Variants in TNFSF12 observed in about 807,000 individuals in gnomAD.
TNFSF12 encodes tumor necrosis factor ligand superfamily member 12.
In TNFSF12, 16 loss-of-function variants were observed where a neutral mutation model predicts 31.2. The ratio of observed to expected loss-of-function variants is 0.51; its 90% CI spans 0.35 to 0.78. The LOEUF (loss-of-function observed/expected upper bound fraction) is 0.78, where lower values mean the gene tolerates loss of function less well. Among genes scored for constraint, TNFSF12 ranks in the 30% least tolerant of loss-of-function variants. The probability of loss-of-function intolerance (pLI) is 0.01; values close to 1 mark genes in which losing one functional copy is unlikely to be tolerated. For synonymous variants in TNFSF12, 150 were observed against 151.4 expected (o/e 0.99, Z 0.07); for missense variants, 324 against 338.8 (o/e 0.96, Z 0.34).
intron 5 of TNFSF12, chr17:7,553,492 T>G: frequency 9.1e-5 from 47 of 518,032 alleles, no homozygotes; most frequent in Non-Finnish European, 1.5e-4. Flanking sequence ...AGGGCTTTCT[T>G]GAGATAGGCA....
chr17:7,549,521 G>A lies in TNFSF12; in HGVS notation c.207G>A (p.Ser69=). The A allele has an allele frequency of 6.4e-7, 1 of 1,551,412 alleles. No individual in the cohort carries two copies. The highest frequency in any genetic ancestry group is 8.7e-7 in the Non-Finnish European group (1 of 1,145,470). The change falls in exon 2 of 7, where the codon TCG becomes TCA. Residue 69 remains serine (S), a splice_region_variant and synonymous_variant. Transcript: ENST00000293825. The surrounding 1 kb of genome is among the most constrained non-coding windows in gnomAD (Gnocchi z 4.1). ...ELVAEEDQDP[S]ELNPQTEESQ... ...TGGCAGAGGAGGACCAGGACCCGTC[G>A]GTGAGTGGGCGTGGGCGCGGTCTGC...
Position 7,549,714 on chromosome 17 carries a change from T to G in TNFSF12, c.207+193T>G. ...ACAACTCTGTGTGAGGGGTTTGTGC[T>G]GGGGTTGTGCCACCTGAGTCTGAGG... On this transcript the variant is annotated intron_variant, in intron 2 of 6. Coordinates refer to ENST00000293825, the MANE Select transcript of TNFSF12 (RefSeq NM_003809.3). The surrounding 1 kb of genome is among the most constrained non-coding windows in gnomAD (Gnocchi z 4.1). 1 of 973,164 alleles carries G rather than the reference T, an allele frequency of 1.0e-6. No homozygotes were observed. The highest frequency in any genetic ancestry group is 1.9e-5 in the South Asian group (1 of 51,970). 60.3% of individuals were successfully genotyped at this position (973,164 alleles called of 1,614,324 possible). A position where few individuals can be genotyped will look rare whatever the true frequency, so the allele number is the denominator to read the frequency against.
Position 7,553,023 on chromosome 17 carries a change from C to CTTTTTTTTTTTTTTTTTTTT in TNFSF12, c.373+2065_373+2084dup, listed in dbSNP as rs71159509. On this transcript the variant is annotated intron_variant, in intron 5 of 6. Coordinates refer to ENST00000293825, the MANE Select transcript of TNFSF12 (RefSeq NM_003809.3). ...ATAAGGAACTGGAGGCAGGGACAAC[C>CTTTTTTTTTTTTTTTTTTTT]TTTTTTTTTTTTTTTTTTTTTTTTT... Among the ~76,000 whole-genome samples, 2 of 66,054 alleles carry CTTTTTTTTTTTTTTTTTTTT rather than the reference C, an allele frequency of 3.0e-5. 1 individual carries two copies. The highest frequency in any genetic ancestry group is 1.4e-4 in the African/African-American group (2 of 13,816). 43.3% of individuals were successfully genotyped at this position (66,054 alleles called of 152,430 possible). A position where few individuals can be genotyped will look rare whatever the true frequency, so the allele number is the denominator to read the frequency against.
intron 5 of TNFSF12, among the ~76,000 whole-genome samples, chr17:7,553,023 CTTTTTTT>C (rs71159509): frequency 2.9e-4 from 19 of 66,088 alleles, no homozygotes; most frequent in East Asian, 4.0e-4. Flanking sequence ...CAGGGACAAC[CTTTTTTT>C]TTTTTTTTTT....
Position 7,550,288 on chromosome 17 carries a change from C to A in TNFSF12, c.283+93C>A. ...TGAGGCACGGAGGGTGAAAGGAGTT[C>A]AGAGTCATGCAGCTAACCAGCCAAG... On this transcript the variant is annotated intron_variant, in intron 3 of 6. Coordinates refer to ENST00000293825, the MANE Select transcript of TNFSF12 (RefSeq NM_003809.3). This position sits in a 1 kb window ranked among gnomAD's most constrained non-coding sequence, Gnocchi z 4.4. 6.3e-7 allele frequency: 1 copy of A among 1,576,624 alleles called. No homozygotes were observed. Among genetic ancestry groups the A allele is most frequent in the South Asian group, 1.1e-5 (1 of 89,900 alleles).
At position 7,550,334 on chromosome 17, in the gene TNFSF12, G is replaced by A. The variant is rs1567720132; in HGVS notation, c.283+139G>A. 15 of 1,316,560 alleles carry A rather than the reference G, an allele frequency of 1.1e-5. No homozygotes were observed. Among genetic ancestry groups the A allele is most frequent in the African/African-American group, 2.9e-5 (2 of 68,438 alleles). 81.6% of individuals were successfully genotyped at this position (1,316,560 alleles called of 1,614,324 possible). On this transcript the variant is annotated intron_variant, in intron 3 of 6. Coordinates refer to ENST00000293825, the MANE Select transcript of TNFSF12 (RefSeq NM_003809.3). The surrounding 1 kb of genome is among the most constrained non-coding windows in gnomAD (Gnocchi z 4.4). ...CCAAGACTCAAACCTAGGGATTCTCGCCCTCCTCTGAAGCTCCTTCTGTCA... is the reference window on the plus strand; with the variant it reads ...CCAAGACTCAAACCTAGGGATTCTCACCCTCCTCTGAAGCTCCTTCTGTCA...
intron 5 of TNFSF12, among the ~76,000 whole-genome samples, chr17:7,551,812 C>T (rs962573021): frequency 1.4e-4 from 22 of 152,080 alleles, no homozygotes; most frequent in Admixed American, 2.6e-4. Flanking sequence ...TTTTTTAAGA[C>T]AGTCTCGCTC....
In TNFSF12 at chr17:7,556,784, A is replaced by G; in HGVS notation, c.380A>G (p.Asp127Gly). ...TCTGAGCATCCGTGTTCAGGTGTGG[A>G]CGGGACAGTGAGTGGCTGGGAGGAA... ...PGQDGAQAGVDGTVSGWEEAR... is the reference protein window; with the variant it reads ...PGQDGAQAGVGGTVSGWEEAR... Residue 127 changes from aspartate (D) to glycine (G), a missense_variant, in exon 6 of 7, where the codon GAC becomes GGC. Coordinates refer to ENST00000293825, the MANE Select transcript of TNFSF12 (RefSeq NM_003809.3). 1 of 1,528,706 alleles carries G rather than the reference A, an allele frequency of 6.5e-7. No individual in the cohort carries two copies. Among genetic ancestry groups the G allele is most frequent in the Non-Finnish European group, 8.8e-7 (1 of 1,136,796 alleles). 94.7% of individuals were successfully genotyped at this position (1,528,706 alleles called of 1,614,324 possible).
At position 7,557,564 on chromosome 17, in the gene TNFSF12, C is replaced by T; in HGVS notation, c.*214C>T. On this transcript the variant is annotated 3_prime_UTR_variant, in exon 7 of 7. Transcript: ENST00000293825. The surrounding 1 kb of genome is among the most constrained non-coding windows in gnomAD (Gnocchi z 5.2). The stretch of plus-strand genomic sequence containing the variant: ...CAACTCCCCCACCGCCCACTCTCCA[C>T]CTCACTAGCTCCCCAATCCCTGACC... 1.5e-6 allele frequency: 1 copy of T among 666,076 alleles called. No individual in the cohort carries two copies. The highest frequency in any genetic ancestry group is 2.4e-6 in the Non-Finnish European group (1 of 413,868). The allele number at this position is 666,076 out of a possible 1,614,324, so 41.3% of individuals were successfully genotyped here.
Position 7,550,332 on chromosome 17 carries a change from T to G in TNFSF12, c.283+137T>G. 2 of 1,332,396 alleles carry G rather than the reference T, an allele frequency of 1.5e-6. No individual in the cohort carries two copies. Among genetic ancestry groups the G allele is most frequent in the South Asian group, 2.6e-5 (2 of 77,836 alleles). 82.5% of individuals were successfully genotyped at this position (1,332,396 alleles called of 1,614,324 possible). A position where few individuals can be genotyped will look rare whatever the true frequency, so the allele number is the denominator to read the frequency against. ...AGCCAAGACTCAAACCTAGGGATTC[T>G]CGCCCTCCTCTGAAGCTCCTTCTGT... On this transcript the variant is annotated intron_variant, in intron 3 of 6. Coordinates refer to ENST00000293825, the MANE Select transcript of TNFSF12 (RefSeq NM_003809.3). This position sits in a 1 kb window ranked among gnomAD's most constrained non-coding sequence, Gnocchi z 4.4.
At position 7,549,091 on chromosome 17, in the gene TNFSF12, C is replaced by A; in HGVS notation, c.-63C>A. 4 of 1,229,882 alleles carry A rather than the reference C, an allele frequency of 3.3e-6. No homozygotes were observed. The highest frequency in any genetic ancestry group is 3.2e-5 in the East Asian group (1 of 30,928). 76.2% of individuals were successfully genotyped at this position (1,229,882 alleles called of 1,614,324 possible). On this transcript the variant is annotated 5_prime_UTR_variant, in exon 1 of 7. Coordinates refer to ENST00000293825, the MANE Select transcript of TNFSF12 (RefSeq NM_003809.3). This position sits in a 1 kb window ranked among gnomAD's most constrained non-coding sequence, Gnocchi z 4.1. The stretch of plus-strand genomic sequence containing the variant: ...GGCCCGATCCGCCCGCCGGCTCCCC[C>A]TCCCCCGATCCCTCGGGTCCCGGGA...
chr17:7,553,113 G>A (rs1054430899), intron 5 of TNFSF12, among the ~76,000 whole-genome samples: 1 of 127,066 alleles, frequency 7.9e-6, no homozygotes, highest in Non-Finnish European at 1.6e-5. Flanking sequence ...GCAATGGCAC[G>A]ATCTCGGCTG....
chr17:7,554,605 G>A (rs1455645968), intron 5 of TNFSF12, among the ~76,000 whole-genome samples: 5 of 148,500 alleles, frequency 3.4e-5, no homozygotes, highest in African/African-American at 5.0e-5. Flanking sequence ...GTGAGCCACC[G>A]CGCCCAGCCG....
chr17:7,549,358 G>C lies in TNFSF12; in HGVS notation c.159+46G>C, dbSNP rs1245321883. 1 of 1,415,868 alleles carries C rather than the reference G, an allele frequency of 7.1e-7. No homozygotes were observed. Among genetic ancestry groups the C allele is most frequent in the Non-Finnish European group, 9.3e-7 (1 of 1,074,576 alleles). The allele number at this position is 1,415,868 out of a possible 1,614,324, so 87.7% of individuals were successfully genotyped here. Reference sequence around the variant, plus strand: ...CCTTCTTGGGCACATCAGGAGCTGAGACTGCAGAGGGGCCGCTGGGGGCCG... The same window carrying C: ...CCTTCTTGGGCACATCAGGAGCTGACACTGCAGAGGGGCCGCTGGGGGCCG... On this transcript the variant is annotated intron_variant, in intron 1 of 6. Coordinates refer to ENST00000293825, the MANE Select transcript of TNFSF12 (RefSeq NM_003809.3). This position sits in a 1 kb window ranked among gnomAD's most constrained non-coding sequence, Gnocchi z 4.1.
At position 7,553,206 on chromosome 17, in the gene TNFSF12, C is replaced by T. The variant is rs528229191; in HGVS notation, c.373+2228C>T. 4.6e-3 allele frequency among the ~76,000 whole-genome samples: 693 copies of T among 152,064 alleles called. 3 individuals are homozygous for T. The highest frequency in any genetic ancestry group is 0.016 in the African/African-American group (643 of 41,440). On this transcript the variant is annotated intron_variant, in intron 5 of 6. Transcript: ENST00000293825. ...CTGAGATTACAGGCATGCGCCACCA[C>T]GCCTGGCTAATTTTGTATTTTTAGT...
chr17:7,556,868 T>A lies in TNFSF12; in HGVS notation c.464T>A (p.Val155Asp). Residue 155 changes from valine to aspartate, a missense_variant, in exon 6 of 7, where the codon GTC (valine) becomes GAC (aspartate). By Grantham distance (152) the Val-to-Asp change is radical. Coordinates refer to ENST00000293825, the MANE Select transcript of TNFSF12 (RefSeq NM_003809.3). ...RYNRQIGEFI[V>D]TRAGLYYLYC... ...AACCGCCAGATCGGGGAGTTTATAG[T>A]CACCCGGGCTGGGCTCTACTACCTG... 1 of 1,545,318 alleles carries A rather than the reference T, an allele frequency of 6.5e-7. No individual in the cohort carries two copies. The highest frequency in any genetic ancestry group is 8.7e-7 in the Non-Finnish European group (1 of 1,143,472).
chr17:7,554,831 A>AGCGT, intron 5 of TNFSF12, among the ~76,000 whole-genome samples: 1 of 149,930 alleles, frequency 6.7e-6, no homozygotes, highest in Admixed American at 6.7e-5. Flanking sequence ...GTTAGCCAGG[A>AGCGT]GCGTCTCGAT....
Position 7,557,637 on chromosome 17 carries a change from A to G in TNFSF12, c.*287A>G. The G allele has an allele frequency of 2.4e-6, 1 of 416,488 alleles. No individual in the cohort carries two copies. The allele number at this position is 416,488 out of a possible 1,614,324, so 25.8% of individuals were successfully genotyped here. A position where few individuals can be genotyped will look rare whatever the true frequency, so the allele number is the denominator to read the frequency against. On this transcript the variant is annotated 3_prime_UTR_variant, in exon 7 of 7. Transcript: ENST00000293825. The surrounding 1 kb of genome is among the most constrained non-coding windows in gnomAD (Gnocchi z 5.2). ...GACTCCCCCCTGGCCACAGACCCCC[A>G]GGGCATTGTGTTCACTGTACTCTGT...
intron 5 of TNFSF12, among the ~76,000 whole-genome samples, chr17:7,551,744 T>C (rs2071003297): frequency 6.6e-6 from 1 of 151,984 alleles, no homozygotes; most frequent in Non-Finnish European, 1.5e-5. Flanking sequence ...GACTTATGGG[T>C]TGGAGGTGAA....
Sources: allele counts gnomAD v4.1 joint callset (sites outside exome capture counted in the v4.1 genomes callset), GRCh38; gene constraint gnomAD v4.1.1; non-coding constraint Gnocchi (gnomAD v3.1); transcripts MANE v1.5; gene names NCBI Gene and HGNC (gene_info 2026-07-23, HGNC 2026-07-21).